The following CSMD1 variants were observed in gnomAD, a reference collection of about 807,000 sequenced individuals.
The protein encoded by CSMD1 is CUB and sushi domain-containing protein 1.
In CSMD1, 213 loss-of-function variants were observed where a neutral mutation model predicts 417.5. The ratio of observed to expected loss-of-function variants is 0.51; its 90% CI spans 0.46 to 0.57. The LOEUF is 0.57. Ranked by LOEUF, CSMD1 falls within the 20% of genes least tolerant of loss-of-function variation. The pLI is 0.00. For missense variants in CSMD1, 6,923 were observed against 4,529.7 expected, an observed-to-expected ratio of 1.53 and a Z score of -15.17; for synonymous variants, 2,862 against 1,736.8, an observed-to-expected ratio of 1.65 and a Z score of -16.11.
intron 1 of CSMD1, among the ~76,000 whole-genome samples, chr8:4,796,104 G>A (rs1222206483): frequency 6.6e-6 from 1 of 152,042 alleles, no homozygotes; most frequent in East Asian, 1.9e-4. Context: ...ATTCCACAAG[G>A]AGTTTACTGT....
intron 40 of CSMD1, among the ~76,000 whole-genome samples, chr8:3,146,210 C>T (rs1438546051): frequency 1.3e-5 from 2 of 152,204 alleles, no homozygotes; most frequent in Admixed American, 6.5e-5. Flanking sequence ...GTAAGGCAGA[C>T]AGAAAGCTTC....
chr8:4,149,674 C>A (rs1239545725), intron 3 of CSMD1, among the ~76,000 whole-genome samples: 5 of 152,188 alleles, frequency 3.3e-5, no homozygotes, highest in East Asian at 1.9e-4. Context: ...AAGTGCTACA[C>A]TGAAGGAATA....
intron 1 of CSMD1, among the ~76,000 whole-genome samples, chr8:4,956,644 G>A (rs1809133447): frequency 6.6e-6 from 1 of 151,730 alleles, no homozygotes; most frequent in Non-Finnish European, 1.5e-5. Flanking sequence ...AATTACTGGA[G>A]AAAATATGAA....
chr8:4,743,785 G>C (rs1049511552), intron 1 of CSMD1, among the ~76,000 whole-genome samples: 9 of 152,168 alleles, frequency 5.9e-5, no homozygotes, highest in African/African-American at 2.2e-4. Context: ...CACTTGAGAG[G>C]CCTTCGATAC....
intron 50 of CSMD1, among the ~76,000 whole-genome samples, chr8:3,042,301 C>A (rs185168689): frequency 6.6e-6 from 1 of 152,052 alleles, no homozygotes; most frequent in Non-Finnish European, 1.5e-5. Context: ...AGCTAAGGTA[C>A]CAAACTGACC....
intron 2 of CSMD1, among the ~76,000 whole-genome samples, chr8:4,427,488 TACACACACAC>T (rs3056569): frequency 4.7e-5 from 7 of 149,756 alleles, no homozygotes; most frequent in Admixed American, 1.3e-4. Flanking sequence ...CTTAATCAAA[TACACACACAC>T]ACACACACAC....
intron 2 of CSMD1, among the ~76,000 whole-genome samples, chr8:4,469,305 A>C (rs1800381344): frequency 6.6e-6 from 1 of 152,196 alleles, no homozygotes; most frequent in Non-Finnish European, 1.5e-5. Context: ...GGACTTTCTC[A>C]TTCTAACAAT....
chr8:4,125,429 A>T (rs1802706969), intron 3 of CSMD1, among the ~76,000 whole-genome samples: 1 of 152,140 alleles, frequency 6.6e-6, no homozygotes, highest in South Asian at 2.1e-4. Flanking sequence ...CACATCTTTC[A>T]TCTGTTGCTT....
At chr8:4,537,983 A>G (rs1797184781) in intron 2 of CSMD1, among the ~76,000 whole-genome samples, 1 of 152,230 alleles carries the variant, frequency 6.6e-6, no homozygotes, top group Non-Finnish European at 1.5e-5. Flanking sequence ...ACTCAAAACC[A>G]GACACCATGC....
At chr8:3,899,850 T>C (rs1413873059) in intron 5 of CSMD1, among the ~76,000 whole-genome samples, 2 of 152,184 alleles carry the variant, frequency 1.3e-5, no homozygotes, top group East Asian at 1.9e-4. Flanking sequence ...GTCCTGAAAA[T>C]GTCCATTTCT....
At chr8:4,354,285 A>G (rs1801269022) in intron 3 of CSMD1, among the ~76,000 whole-genome samples, 1 of 152,168 alleles carries the variant, frequency 6.6e-6, no homozygotes, top group Admixed American at 6.5e-5. Context: ...AAAGTAACCA[A>G]GTTACTCAGT....
intron 5 of CSMD1, among the ~76,000 whole-genome samples, chr8:3,842,672 A>T (rs755753433): frequency 2.0e-5 from 3 of 152,152 alleles, no homozygotes; most frequent in Non-Finnish European, 4.4e-5. Flanking sequence ...GTTGCATTTC[A>T]AAGAGCATTT....
intron 2 of CSMD1, among the ~76,000 whole-genome samples, chr8:4,478,137 T>C (rs1800900701): frequency 6.6e-6 from 1 of 152,206 alleles, no homozygotes. Context: ...GCCTAGTGCC[T>C]GTAACAGCAA....
chr8:2,977,643 A>T (rs1203850238), intron 55 of CSMD1, among the ~76,000 whole-genome samples: 1 of 152,210 alleles, frequency 6.6e-6, no homozygotes, highest in African/African-American at 2.4e-5. Flanking sequence ...TGAACACACA[A>T]CCAACAGAAT....
At chr8:4,492,009 C>T (rs1801727937) in intron 2 of CSMD1, among the ~76,000 whole-genome samples, 1 of 147,440 alleles carries the variant, frequency 6.8e-6, no homozygotes, top group Admixed American at 6.8e-5. Context: ...ATGGTACATC[C>T]ACATAGTGGA....
intron 2 of CSMD1, among the ~76,000 whole-genome samples, chr8:4,532,455 G>C (rs1179078427): frequency 6.8e-6 from 1 of 146,780 alleles, no homozygotes; most frequent in Non-Finnish European, 1.5e-5. Context: ...CTCTGGAAGA[G>C]AAATCCTGCA....
chr8:4,102,803 A>C (rs1801373323), intron 3 of CSMD1, among the ~76,000 whole-genome samples: 1 of 152,190 alleles, frequency 6.6e-6, no homozygotes, highest in African/African-American at 2.4e-5. Flanking sequence ...CTCCTTCAGC[A>C]GTTGTGTGCA....
chr8:4,941,002 G>T (rs942739426), intron 1 of CSMD1, among the ~76,000 whole-genome samples: 1 of 151,534 alleles, frequency 6.6e-6, no homozygotes, highest in African/African-American at 2.4e-5. Flanking sequence ...AAGAAAGAGC[G>T]ATTAATTTTG....
intron 68 of CSMD1, among the ~76,000 whole-genome samples, chr8:2,948,870 T>G (rs1037563102): frequency 2.6e-5 from 4 of 152,062 alleles, no homozygotes; most frequent in African/African-American, 7.2e-5. Context: ...GTCATTCTGA[T>G]AACTAAAAAT....
Sources: allele counts gnomAD v4.1 joint callset (sites outside exome capture counted in the v4.1 genomes callset), GRCh38; gene constraint gnomAD v4.1.1; transcripts MANE v1.5; gene names NCBI Gene and HGNC (gene_info 2026-07-23, HGNC 2026-07-21).